SLC8A1: variants seen among roughly 807,000 people sequenced by gnomAD.
SLC8A1 encodes the protein sodium/calcium exchanger 1.
SLC8A1 carries 18 observed loss-of-function variants against 68.3 expected under a neutral mutation model. That is an observed-to-expected ratio of 0.26 (90% CI 0.18 to 0.39). SLC8A1 has a LOEUF of 0.39. SLC8A1 is among the 10% of genes least tolerant of loss of function. The pLI is 1.00. For missense variants in SLC8A1, 985 were observed against 1,156.7 expected (o/e 0.85, Z 2.15); for synonymous variants, 475 against 415.5 (o/e 1.14, Z -1.74).
At chr2:40,240,520 C>T (rs2061072465) in intron 2 of SLC8A1, among the ~76,000 whole-genome samples, 1 of 152,128 alleles carries the variant, frequency 6.6e-6, no homozygotes, top group African/African-American at 2.4e-5. Context: ...AAAAAAATTC[C>T]TGCTATATCC....
At chr2:40,291,183 A>G (rs917635353) in intron 2 of SLC8A1, among the ~76,000 whole-genome samples, 1 of 152,156 alleles carries the variant, frequency 6.6e-6, no homozygotes, top group African/African-American at 2.4e-5. Context: ...GTCATGAAGA[A>G]GCTTTGTGCT....
chr2:40,288,711 C>T (rs977148124), intron 2 of SLC8A1, among the ~76,000 whole-genome samples: 7 of 151,868 alleles, frequency 4.6e-5, no homozygotes, highest in Admixed American at 1.3e-4. Context: ...AGGACTTTTC[C>T]TTGGGGATGG....
chr2:40,248,438 C>G (rs534151783), intron 2 of SLC8A1, among the ~76,000 whole-genome samples: 1 of 152,210 alleles, frequency 6.6e-6, no homozygotes, highest in African/African-American at 2.4e-5. Flanking sequence ...CATCACACCA[C>G]CTGCAGGCAC....
At chr2:40,491,029 C>T (rs955843926) in intron 1 of SLC8A1, among the ~76,000 whole-genome samples, 4 of 152,054 alleles carry the variant, frequency 2.6e-5, no homozygotes, top group Non-Finnish European at 4.4e-5. Flanking sequence ...AAAACCAACA[C>T]GAAAGTGTCT....
chr2:40,198,313 T>G (rs1027390201), intron 2 of SLC8A1, among the ~76,000 whole-genome samples: 1 of 151,890 alleles, frequency 6.6e-6, no homozygotes, highest in Non-Finnish European at 1.5e-5. Context: ...CTGGCCTAAT[T>G]GACTGGACAT....
chr2:40,382,028 TA>T (rs753195594), intron 2 of SLC8A1, among the ~76,000 whole-genome samples: 1 of 152,098 alleles, frequency 6.6e-6, no homozygotes, highest in Non-Finnish European at 1.5e-5. Flanking sequence ...TCCCTGACAA[TA>T]ATCATTGTTT....
intron 2 of SLC8A1, among the ~76,000 whole-genome samples, chr2:40,370,195 T>C (rs1261788251): frequency 2.0e-5 from 3 of 152,260 alleles, no homozygotes; most frequent in Non-Finnish European, 4.4e-5. Context: ...GAGTCATTCA[T>C]TGCGTGGGCA....
chr2:40,162,201 T>C (rs2045809621), intron 5 of SLC8A1, among the ~76,000 whole-genome samples: 1 of 152,216 alleles, frequency 6.6e-6, no homozygotes, highest in Admixed American at 6.6e-5. Flanking sequence ...ATAACAGCTG[T>C]AACCATCACT....
chr2:40,385,498 G>A (rs1388528912), intron 2 of SLC8A1, among the ~76,000 whole-genome samples: 1 of 90,960 alleles, frequency 1.1e-5, no homozygotes, highest in African/African-American at 6.9e-5. Context: ...AAATATAGGT[G>A]AGGAGATTTA....
chr2:40,500,057 T>G (rs1043449759), intron 1 of SLC8A1, among the ~76,000 whole-genome samples: 1 of 152,100 alleles, frequency 6.6e-6, no homozygotes, highest in Non-Finnish European at 1.5e-5. Context: ...GACTGTGGTT[T>G]GTGTACACAT....
chr2:40,273,836 G>A (rs531331030), intron 2 of SLC8A1, among the ~76,000 whole-genome samples: 4 of 151,252 alleles, frequency 2.6e-5, no homozygotes, highest in Non-Finnish European at 5.9e-5. Context: ...AAGCAGGAAC[G>A]AGGAAAACAT....
intron 2 of SLC8A1, among the ~76,000 whole-genome samples, chr2:40,197,388 C>A (rs906325026): frequency 6.6e-6 from 1 of 151,922 alleles, no homozygotes; most frequent in South Asian, 2.1e-4. Flanking sequence ...AACTAGCAAA[C>A]CACAAATGCC....
intron 2 of SLC8A1, among the ~76,000 whole-genome samples, chr2:40,182,833 A>C (rs548727914): frequency 6.6e-6 from 1 of 152,318 alleles, no homozygotes; most frequent in South Asian, 2.1e-4. Flanking sequence ...TTTTCAACTT[A>C]AGCCTCAATT....
chr2:40,500,826 G>GTTTTTTTTTTTC (rs1706016281), intron 1 of SLC8A1, among the ~76,000 whole-genome samples: 1 of 12,358 alleles, frequency 8.1e-5, no homozygotes, highest in Non-Finnish European at 2.1e-4. Context: ...TTTTTTTTTG[G>GTTTTTTTTTTTC]CTTTTGCCTC....
chr2:40,164,228 G>A (rs147968746), intron 5 of SLC8A1, among the ~76,000 whole-genome samples: 212 of 152,202 alleles, frequency 1.4e-3, no homozygotes, highest in Admixed American at 2.2e-3. Context: ...CCATCCCCAG[G>A]CCCACACATT....
intron 6 of SLC8A1, among the ~76,000 whole-genome samples, chr2:40,144,006 A>T (rs1462233603): frequency 6.6e-6 from 1 of 152,162 alleles, no homozygotes; most frequent in Non-Finnish European, 1.5e-5. Flanking sequence ...CATCTCTCAG[A>T]GCTGTTGTGG....
chr2:40,187,627 A>C (rs62148764), intron 2 of SLC8A1, among the ~76,000 whole-genome samples: 822 of 151,940 alleles, frequency 5.4e-3, no homozygotes, highest in Middle Eastern at 0.014. Context: ...GAATAAATTT[A>C]GTTCTTTAGT....
chr2:40,184,171 T>C (rs1454407639), intron 2 of SLC8A1, among the ~76,000 whole-genome samples: 1 of 152,154 alleles, frequency 6.6e-6, no homozygotes, highest in East Asian at 1.9e-4. Flanking sequence ...AGTGAGACAC[T>C]GTCTCAATCA....
intron 2 of SLC8A1, among the ~76,000 whole-genome samples, chr2:40,330,302 C>T (rs1173752641): frequency 6.6e-6 from 1 of 152,066 alleles, no homozygotes; most frequent in Admixed American, 6.6e-5. Context: ...GATAAATGGT[C>T]ATGTGTCATC....
Sources: allele counts gnomAD v4.1 joint callset (sites outside exome capture counted in the v4.1 genomes callset), GRCh38; gene constraint gnomAD v4.1.1; transcripts MANE v1.5; gene names NCBI Gene and HGNC (gene_info 2026-07-23, HGNC 2026-07-21).